Variants in ABI3BP observed in about 807,000 individuals in gnomAD.
The protein encoded by ABI3BP is ABI family member 3 binding protein, also known as target of Nesh-SH3.
In ABI3BP, 216 loss-of-function variants were observed where a neutral mutation model predicts 268.6. That is an observed-to-expected ratio of 0.80 (90% CI 0.72 to 0.90). ABI3BP has a LOEUF of 0.90. ABI3BP is among the 40% of genes least tolerant of loss of function. The probability of loss-of-function intolerance (pLI) is 0.00; values close to 1 mark genes in which losing one functional copy is unlikely to be tolerated. For missense variants in ABI3BP, 2,090 were observed against 2,182.4 expected (o/e 0.96, Z 0.84); for synonymous variants, 730 against 730.0 (o/e 1.00, Z 0.00).
At chr3:100,850,452 AT>A (rs1560804914) in intron 16 of ABI3BP, among the ~76,000 whole-genome samples, 1 of 152,212 alleles carries the variant, frequency 6.6e-6, no homozygotes, top group African/African-American at 2.4e-5. Context: ...GGAAAATATT[AT>A]CTATTACAGC....
chr3:100,919,373 GAAGAA>G (rs1170197972), intron 2 of ABI3BP, among the ~76,000 whole-genome samples: 11 of 152,126 alleles, frequency 7.2e-5, no homozygotes, highest in Admixed American at 7.2e-4. Flanking sequence ...TTATGATAGA[GAAGAA>G]GAGAACAACT....
chr3:100,843,598 T>C (rs929230285), intron 20 of ABI3BP: 5 of 953,196 alleles, frequency 5.2e-6, no homozygotes, highest in Admixed American at 7.3e-5. Context: ...GTCTGGGAGA[T>C]GGAGAGAGAG....
intron 63 of ABI3BP, among the ~76,000 whole-genome samples, chr3:100,762,644 AATTC>A (rs2096037773): frequency 1.3e-5 from 2 of 152,184 alleles, no homozygotes; most frequent in African/African-American, 4.8e-5. Flanking sequence ...ACTTTTCCAT[AATTC>A]ATTATTTTTT....
intron 4 of ABI3BP, 80 bp downstream of exon 4, chr3:100,898,682 A>C (rs778836222): frequency 6.8e-7 from 1 of 1,478,124 alleles, no homozygotes; most frequent in Non-Finnish European, 9.2e-7. Flanking sequence ...AGAGGTGTTA[A>C]GTCAATGCTA....
At chr3:100,851,037 T>C (rs1000960372) in intron 15 of ABI3BP, among the ~76,000 whole-genome samples, 1 of 152,246 alleles carries the variant, frequency 6.6e-6, no homozygotes, top group Admixed American at 6.5e-5. Context: ...AACTCACCAC[T>C]GACATTCTAT....
At chr3:100,779,024 C>T (rs1441389617) in intron 58 of ABI3BP, among the ~76,000 whole-genome samples, 1 of 152,176 alleles carries the variant, frequency 6.6e-6, no homozygotes, top group South Asian at 2.1e-4. Context: ...ACTTCATTAT[C>T]CCCAGCTGCC....
At chr3:100,795,689 T>A in intron 53 of ABI3BP, 115 bp downstream of exon 53, 2 of 837,504 alleles carry the variant, frequency 2.4e-6, no homozygotes, top group Non-Finnish European at 3.2e-6. Context: ...ATAATGAGAA[T>A]GAAATGATGA....
At chr3:100,946,180 G>A (rs985534272) in intron 1 of ABI3BP, among the ~76,000 whole-genome samples, 2 of 151,732 alleles carry the variant, frequency 1.3e-5, no homozygotes, top group African/African-American at 4.9e-5. Flanking sequence ...AGACCAGCCT[G>A]GGCAACATGG....
intron 51 of ABI3BP, among the ~76,000 whole-genome samples, chr3:100,798,160 A>C (rs1157335923): frequency 6.6e-6 from 1 of 152,130 alleles, no homozygotes; most frequent in African/African-American, 2.4e-5. Context: ...CCATACTGTA[A>C]ATACATTATT....
chr3:100,962,283 T>C (rs1413277099), intron 1 of ABI3BP, among the ~76,000 whole-genome samples: 1 of 152,190 alleles, frequency 6.6e-6, no homozygotes, highest in Non-Finnish European at 1.5e-5. Flanking sequence ...ATCCCTCTCC[T>C]TTCTTGTTCT....
intron 44 of ABI3BP, among the ~76,000 whole-genome samples, chr3:100,814,664 T>C (rs1219819171): frequency 6.6e-6 from 1 of 152,146 alleles, no homozygotes; most frequent in Non-Finnish European, 1.5e-5. Flanking sequence ...ATGTGTCCTT[T>C]CTTTTGGTTT....
chr3:100,822,681 A>C lies in ABI3BP; in HGVS notation c.2804-9T>G. ...TTGTGATGTTTTGGAAGCTGAAGGAAGAAGTTCTTGGGTTACAACATAACT... is the reference window on the plus strand; with the variant it reads ...TTGTGATGTTTTGGAAGCTGAAGGACGAAGTTCTTGGGTTACAACATAACT... On this transcript the variant is annotated splice_polypyrimidine_tract_variant and intron_variant, in intron 37 of 67. Transcript: ENST00000471714. The C allele has an allele frequency of 6.5e-7, 1 of 1,536,172 alleles. No homozygotes were observed. Among genetic ancestry groups the C allele is most frequent in the Non-Finnish European group, 8.7e-7 (1 of 1,146,664 alleles).
intron 1 of ABI3BP, among the ~76,000 whole-genome samples, chr3:100,979,471 C>T (rs2088092473): frequency 1.3e-5 from 2 of 151,960 alleles, no homozygotes; most frequent in Non-Finnish European, 2.9e-5. Flanking sequence ...AAGAGATATC[C>T]CTAAAAGGAT....
At chr3:100,881,156 T>G (rs1423555477) in intron 6 of ABI3BP, among the ~76,000 whole-genome samples, 2 of 152,236 alleles carry the variant, frequency 1.3e-5, no homozygotes, top group Non-Finnish European at 2.9e-5. Flanking sequence ...CCTTTGATGA[T>G]GTATTAATAG....
At chr3:100,987,805 A>G (rs2092194434) in intron 1 of ABI3BP, among the ~76,000 whole-genome samples, 1 of 152,224 alleles carries the variant, frequency 6.6e-6, no homozygotes, top group Non-Finnish European at 1.5e-5. Flanking sequence ...AATTTACATA[A>G]ACACAGCATT....
chr3:100,841,041 G>A (rs899141103), intron 21 of ABI3BP, among the ~76,000 whole-genome samples, 183 bp from the exon 22 acceptor site: 5 of 151,660 alleles, frequency 3.3e-5, no homozygotes, highest in South Asian at 2.1e-4. Context: ...TCGACAAAGC[G>A]AACAAAAAAA....
chr3:100,882,145 T>C (rs2039604559), intron 6 of ABI3BP, among the ~76,000 whole-genome samples: 1 of 152,206 alleles, frequency 6.6e-6, no homozygotes, highest in Admixed American at 6.5e-5. Flanking sequence ...AGCATGTTCA[T>C]ATGAATAAAA....
intron 63 of ABI3BP, among the ~76,000 whole-genome samples, chr3:100,759,745 C>T (rs960784145): frequency 1.3e-5 from 2 of 152,086 alleles, no homozygotes; most frequent in African/African-American, 4.8e-5. Flanking sequence ...GTCCTTCTGC[C>T]CCATGAAAAG....
chr3:100,828,509 T>A (rs973775884), intron 33 of ABI3BP, 57 bp from the exon 34 acceptor site: 51 of 1,426,206 alleles, frequency 3.6e-5, no homozygotes, highest in Admixed American at 1.0e-4. Context: ...TTATAAAAAC[T>A]CAGAACATTC....
Sources: allele counts gnomAD v4.1 joint callset (sites outside exome capture counted in the v4.1 genomes callset), GRCh38; gene constraint gnomAD v4.1.1; transcripts MANE v1.5; gene names NCBI Gene and HGNC (gene_info 2026-07-23, HGNC 2026-07-21).